The following MINDY2 variants were observed in gnomAD, a reference collection of about 807,000 sequenced individuals.
The protein encoded by MINDY2 is MINDY lysine 48 deubiquitinase 2, also known as ubiquitin carboxyl-terminal hydrolase MINDY-2.
Under a neutral mutation model 68.2 loss-of-function variants are expected in MINDY2, and 52 were observed. The observed-to-expected ratio is 0.76, with a 90% CI of 0.61 to 0.96. MINDY2 has a LOEUF of 0.96. Ranked by LOEUF, MINDY2 falls within the 40% of genes least tolerant of loss-of-function variation. The probability of loss-of-function intolerance (pLI) is 0.00; values close to 1 mark genes in which losing one functional copy is unlikely to be tolerated. For missense variants in MINDY2, 881 were observed against 773.4 expected (o/e 1.14, Z -1.65); for synonymous variants, 372 against 303.0 (o/e 1.23, Z -2.36).
intron 6 of MINDY2, among the ~76,000 whole-genome samples, chr15:58,843,795 T>C (rs1243688944): frequency 8.1e-6 from 1 of 124,114 alleles, no homozygotes; most frequent in South Asian, 2.5e-4. Flanking sequence ...GTCACGCCAC[T>C]GCACTCCAGC....
chr15:58,831,671 T>A (rs1424931799), intron 5 of MINDY2, 103 bp from the exon 6 acceptor site: 1 of 978,030 alleles, frequency 1.0e-6, no homozygotes, highest in African/African-American at 1.7e-5. Flanking sequence ...GTATTATAAT[T>A]ATTGGCCTTT....
At chr15:58,785,740 G>A (rs1009159605) in intron 1 of MINDY2, among the ~76,000 whole-genome samples, 10 of 152,008 alleles carry the variant, frequency 6.6e-5, no homozygotes, top group African/African-American at 1.2e-4. Context: ...GTAGTGGCAC[G>A]ATCTCTGCTC....
intron 1 of MINDY2, among the ~76,000 whole-genome samples, chr15:58,787,140 CTTTTT>C (rs58374538): frequency 6.4e-5 from 5 of 78,150 alleles, no homozygotes; most frequent in Admixed American, 5.6e-4. Context: ...CATTTCTTTA[CTTTTT>C]TTTTTTTTTT....
intron 5 of MINDY2, 92 bp from the exon 6 acceptor site, chr15:58,831,682 T>C: frequency 8.5e-7 from 1 of 1,182,360 alleles, no homozygotes; most frequent in Non-Finnish European, 1.2e-6. Context: ...ATTGGCCTTT[T>C]TCCATACTTG....
chr15:58,833,920 A>ATATT (rs1276903775), intron 6 of MINDY2, among the ~76,000 whole-genome samples: 1 of 152,030 alleles, frequency 6.6e-6, no homozygotes, highest in Non-Finnish European at 1.5e-5. Context: ...TTCCCTTCCC[A>ATATT]CGAGGCCATA....
At chr15:58,793,697 A>C (rs1902086972) in intron 2 of MINDY2, among the ~76,000 whole-genome samples, 1 of 152,216 alleles carries the variant, frequency 6.6e-6, no homozygotes, top group African/African-American at 2.4e-5. Flanking sequence ...AATAGGAGGA[A>C]AGACAGACTG....
chr15:58,791,664 G>GTGTGTGTGTGTGTGTGTGTA (rs1901946819), intron 2 of MINDY2, among the ~76,000 whole-genome samples: 1 of 139,878 alleles, frequency 7.1e-6, no homozygotes, highest in Non-Finnish European at 1.6e-5. Flanking sequence ...GTGTGTGTAT[G>GTGTGTGTGTGTGTGTGTGTA]TGTGTGTGTG....
At chr15:58,836,789 A>G (rs1329019041) in intron 6 of MINDY2, among the ~76,000 whole-genome samples, 1 of 151,800 alleles carries the variant, frequency 6.6e-6, no homozygotes, top group African/African-American at 2.4e-5. Flanking sequence ...TGGCCAATTT[A>G]AAATTTTTTT....
At chr15:58,833,714 C>T (rs2031856171) in intron 6 of MINDY2, among the ~76,000 whole-genome samples, 1 of 152,132 alleles carries the variant, frequency 6.6e-6, no homozygotes, top group Non-Finnish European at 1.5e-5. Context: ...ATCTTCAGCC[C>T]TAAGGCGGTT....
chr15:58,807,577 A>T (rs938595566), intron 3 of MINDY2, among the ~76,000 whole-genome samples: 1 of 151,964 alleles, frequency 6.6e-6, no homozygotes, highest in African/African-American at 2.4e-5. Flanking sequence ...GTTAGCCAGG[A>T]TGGTCTCGAT....
At chr15:58,827,533 G>T (rs1203184116) in intron 5 of MINDY2, among the ~76,000 whole-genome samples, 1 of 152,054 alleles carries the variant, frequency 6.6e-6, no homozygotes, top group Non-Finnish European at 1.5e-5. Flanking sequence ...GCGCGATCTC[G>T]GCTCACTGTA....
intron 5 of MINDY2, among the ~76,000 whole-genome samples, chr15:58,828,575 CTTT>C (rs1163905877): frequency 4.7e-5 from 5 of 106,140 alleles, no homozygotes; most frequent in Non-Finnish European, 5.7e-5. Context: ...TATTGAATTT[CTTT>C]TTTTTTTTTT....
intron 5 of MINDY2, among the ~76,000 whole-genome samples, chr15:58,826,630 T>C (rs1211740207): frequency 6.6e-6 from 1 of 152,226 alleles, no homozygotes; most frequent in Non-Finnish European, 1.5e-5. Flanking sequence ...AGGAATTCTC[T>C]TATATAAATT....
chr15:58,772,246 C>T lies in MINDY2; in HGVS notation c.840+11C>T. 1 of 1,607,608 alleles carries T rather than the reference C, an allele frequency of 6.2e-7. No individual in the cohort carries two copies. Among genetic ancestry groups the T allele is most frequent in the Non-Finnish European group, 8.5e-7 (1 of 1,179,864 alleles). ...CTCCTGGCCTGGAAGGTACATTCTG[C>T]AGCTTTCTACTTCCTACAGCTTTTG... On this transcript the variant is annotated intron_variant, in intron 1 of 8. Transcript: ENST00000559228.
At chr15:58,839,173 G>A (rs1320977202) in intron 6 of MINDY2, among the ~76,000 whole-genome samples, 1 of 151,982 alleles carries the variant, frequency 6.6e-6, no homozygotes, top group Non-Finnish European at 1.5e-5. Flanking sequence ...GAATTCTAGA[G>A]ATGTTTGAGC....
chr15:58,848,396 CATGTT>C (rs1445861254), intron 7 of MINDY2, among the ~76,000 whole-genome samples: 4 of 152,118 alleles, frequency 2.6e-5, no homozygotes, highest in African/African-American at 9.7e-5. Context: ...TTGACCAACT[CATGTT>C]ATATGTTCTA....
chr15:58,779,675 C>A (rs1901007082), intron 1 of MINDY2, among the ~76,000 whole-genome samples: 1 of 152,164 alleles, frequency 6.6e-6, no homozygotes, highest in Admixed American at 6.5e-5. Context: ...GTTTTGTTTA[C>A]ACAAAAGACT....
chr15:58,787,073 GC>G (rs1476553287), intron 1 of MINDY2, among the ~76,000 whole-genome samples: 2 of 150,686 alleles, frequency 1.3e-5, no homozygotes, highest in African/African-American at 4.9e-5. Flanking sequence ...CACGTGATCC[GC>G]CTGCGTTGGC....
chr15:58,815,360 TG>T (rs1439788257), intron 4 of MINDY2: 9 of 152,360 alleles, frequency 5.9e-5, no homozygotes, highest in Admixed American at 2.0e-4. Flanking sequence ...TTTTGTTTTT[TG>T]TTTTTTTGAG....
Sources: gnomAD v4.1 joint callset for allele counts (sites outside exome capture counted in the v4.1 genomes callset) on GRCh38, gnomAD v4.1.1 for gene constraint, MANE v1.5 for transcripts, NCBI Gene and HGNC (gene_info 2026-07-23, HGNC 2026-07-21) for gene names.